Variants in TRPM3 observed in about 807,000 individuals in gnomAD.
The protein encoded by TRPM3 is long transient receptor potential channel 3.
Under a neutral mutation model 181.2 loss-of-function variants are expected in TRPM3, and 77 were observed. The ratio of observed to expected loss-of-function variants is 0.42; its 90% confidence interval spans 0.35 to 0.51. The LOEUF (loss-of-function observed/expected upper bound fraction) is 0.51. Ranked by LOEUF, TRPM3 falls within the 20% of genes least tolerant of loss-of-function variation. The probability of loss-of-function intolerance (pLI) is 0.01; values close to 1 mark genes in which losing one functional copy is unlikely to be tolerated. For missense variants in TRPM3, 1,759 were observed against 2,196.7 expected (o/e 0.80, Z 3.98); for synonymous variants, 745 against 796.4 (o/e 0.94, Z 1.09).
intron 1 of TRPM3, among the ~76,000 whole-genome samples, chr9:71,368,495 T>C (rs1371597539): frequency 6.6e-6 from 1 of 152,132 alleles, no homozygotes; most frequent in African/African-American, 2.4e-5. Flanking sequence ...ACCCAGTAGT[T>C]GGAAAGGCCC....
intron 1 of TRPM3, among the ~76,000 whole-genome samples, chr9:71,316,725 C>T (rs1047045856): frequency 2.6e-5 from 4 of 152,076 alleles, no homozygotes; most frequent in Admixed American, 2.0e-4. Context: ...TTGATATTAG[C>T]CCAGTGAGAG....
intron 1 of TRPM3, among the ~76,000 whole-genome samples, chr9:70,985,686 G>C (rs1351648367): frequency 6.6e-6 from 1 of 152,166 alleles, no homozygotes. Context: ...TGCCAGCACT[G>C]TGCTGGGCCC....
At chr9:71,264,276 C>G (rs1395151354) in intron 1 of TRPM3, among the ~76,000 whole-genome samples, 1 of 152,154 alleles carries the variant, frequency 6.6e-6, no homozygotes, top group African/African-American at 2.4e-5. Context: ...GGTGTGCCCC[C>G]TCTCAGAAGT....
intron 4 of TRPM3, among the ~76,000 whole-genome samples, chr9:70,844,513 A>G (rs2094866044): frequency 6.6e-6 from 1 of 152,242 alleles, no homozygotes; most frequent in Admixed American, 6.5e-5. Context: ...GGCTGTGAAT[A>G]TTGATATTAA....
intron 22 of TRPM3, among the ~76,000 whole-genome samples, chr9:70,585,081 C>G (rs1184549475): frequency 1.3e-5 from 2 of 152,208 alleles, no homozygotes; most frequent in Non-Finnish European, 2.9e-5. Flanking sequence ...TCTGCCCCTC[C>G]TGCCCCGCTG....
intron 1 of TRPM3, among the ~76,000 whole-genome samples, chr9:71,197,234 T>C (rs887003950): frequency 4.6e-5 from 7 of 152,176 alleles, no homozygotes; most frequent in African/African-American, 1.7e-4. Context: ...TATTCCATGG[T>C]GTATATGAGC....
intron 1 of TRPM3, among the ~76,000 whole-genome samples, chr9:71,304,018 TTTG>T (rs1034616043): frequency 1.3e-5 from 2 of 152,178 alleles, no homozygotes; most frequent in Non-Finnish European, 2.9e-5. Flanking sequence ...ATATATAGTT[TTTG>T]TTAAGTGAAA....
At chr9:70,693,488 T>A (rs909145927) in intron 8 of TRPM3, among the ~76,000 whole-genome samples, 8 of 152,148 alleles carry the variant, frequency 5.3e-5, no homozygotes, top group African/African-American at 1.9e-4. Context: ...TTTTTTGACA[T>A]TTTGTCATAT....
chr9:71,312,958 C>A (rs192491889), intron 1 of TRPM3, among the ~76,000 whole-genome samples: 21 of 152,172 alleles, frequency 1.4e-4, no homozygotes, highest in African/African-American at 4.8e-4. Flanking sequence ...CTGTATAGTA[C>A]TACAATGGGA....
chr9:70,548,633 C>T (rs561838207), intron 25 of TRPM3, among the ~76,000 whole-genome samples: 1 of 152,336 alleles, frequency 6.6e-6, no homozygotes, highest in African/African-American at 2.4e-5. Flanking sequence ...CTTTCTATTG[C>T]AAATGCTTAA....
At position 71,180,050 on chromosome 9, in the gene TRPM3, C is replaced by CTTTTTTTTTTTTT. The variant is rs35877663; in HGVS notation, c.183+266590_183+266602dup. On this transcript the variant is annotated intron_variant, in intron 1 of 24. Coordinates refer to the TRPM3 transcript ENST00000357533. ...GGGGAGAACCTTATCATACATCCTT[C>CTTTTTTTTTTTTT]TTTTTTTTTTTTTTTTTTTTTGAGA... is the stretch of plus-strand genomic sequence containing the variant. Among the ~76,000 whole-genome samples, 32 of 101,176 alleles carry CTTTTTTTTTTTTT rather than the reference C, an allele frequency of 3.2e-4. 2 individuals carry two copies. The highest frequency in any genetic ancestry group is 1.0e-3 in the African/African-American group (28 of 26,712). 66.4% of individuals were successfully genotyped at this position (101,176 alleles called of 152,430 possible). A position where few individuals can be genotyped will look rare whatever the true frequency, so the allele number is the denominator to read the frequency against.
At position 70,791,229 on chromosome 9, in the gene TRPM3, C is replaced by T. The variant is rs184885263; in HGVS notation, c.974-6950G>A. 1.5e-3 allele frequency among the ~76,000 whole-genome samples: 235 copies of T among 152,202 alleles called. 2 individuals carry two copies. The highest frequency in any genetic ancestry group is 0.013 in the Admixed American group (205 of 15,286). On this transcript the variant is annotated intron_variant, in intron 6 of 25. Transcript: ENST00000677713. ...AGACCCAATGCAAACCAATCCTGTA[C>T]GCTATACATTTTTTTGCCATTATAA...
At chr9:71,384,278 T>G (rs1343432720) in intron 1 of TRPM3, among the ~76,000 whole-genome samples, 1 of 152,222 alleles carries the variant, frequency 6.6e-6, no homozygotes, top group Non-Finnish European at 1.5e-5. Flanking sequence ...AAAGGAGTTA[T>G]TTTGAGTCAA....
intron 1 of TRPM3, among the ~76,000 whole-genome samples, chr9:71,044,427 A>G (rs962690101): frequency 1.3e-5 from 2 of 152,132 alleles, no homozygotes; most frequent in African/African-American, 4.8e-5. Flanking sequence ...GAGTCTGTTT[A>G]TATTCTTTGC....
At chr9:71,410,933 C>G (rs183583780) in intron 1 of TRPM3, among the ~76,000 whole-genome samples, 39 of 152,268 alleles carry the variant, frequency 2.6e-4, no homozygotes, top group African/African-American at 8.7e-4. Flanking sequence ...CCCTGGGATG[C>G]AAGGCTAGTT....
chr9:70,606,486 C>T (rs1957991611), intron 19 of TRPM3, among the ~76,000 whole-genome samples: 1 of 152,094 alleles, frequency 6.6e-6, no homozygotes, highest in Non-Finnish European at 1.5e-5. Context: ...GGACAACTCT[C>T]AAAATACAGA....
At chr9:70,797,082 A>T (rs1297691337) in intron 6 of TRPM3, among the ~76,000 whole-genome samples, 6 of 152,174 alleles carry the variant, frequency 3.9e-5, no homozygotes, top group Admixed American at 6.5e-5. Flanking sequence ...GTGAGCTGTG[A>T]TTGTGCCACT....
chr9:71,241,378 C>T (rs2081660013), intron 1 of TRPM3, among the ~76,000 whole-genome samples: 1 of 151,860 alleles, frequency 6.6e-6, no homozygotes, highest in Non-Finnish European at 1.5e-5. Flanking sequence ...CCATCATTCT[C>T]AGCAAACTAT....
chr9:71,031,735 G>A (rs2057327254), intron 1 of TRPM3, among the ~76,000 whole-genome samples: 1 of 150,874 alleles, frequency 6.6e-6, no homozygotes, highest in Non-Finnish European at 1.5e-5. Flanking sequence ...CAAGGCTGGA[G>A]CCATTGGGGT....
Sources: gnomAD v4.1 joint callset for allele counts (sites outside exome capture counted in the v4.1 genomes callset) on GRCh38, gnomAD v4.1.1 for gene constraint, MANE v1.5 for transcripts, NCBI Gene and HGNC (gene_info 2026-07-23, HGNC 2026-07-21) for gene names.